The following PEAK1 variants were observed in gnomAD, a reference collection of about 807,000 sequenced individuals.
The protein encoded by PEAK1 is pseudopodium enriched atypical kinase 1.
A neutral mutation model predicts 124.7 loss-of-function variants in PEAK1; 54 were observed. The ratio of observed to expected loss-of-function variants is 0.43; its 90% CI spans 0.35 to 0.54. PEAK1 has a LOEUF of 0.54. Ranked by LOEUF, PEAK1 falls within the 20% of genes least tolerant of loss-of-function variation. The probability of loss-of-function intolerance (pLI) is 0.01; values close to 1 mark genes in which losing one functional copy is unlikely to be tolerated. For synonymous variants in PEAK1, 719 were observed against 760.0 expected (o/e 0.95, Z 0.89); for missense variants, 2,046 against 2,134.5 (o/e 0.96, Z 0.82).
chr15:77,340,332 A>T (rs186860040), intron 2 of PEAK1, among the ~76,000 whole-genome samples: 2 of 152,244 alleles, frequency 1.3e-5, no homozygotes, highest in African/African-American at 4.8e-5. Context: ...AGGAAGCTTG[A>T]ACTAACACAG....
intron 8 of PEAK1, among the ~76,000 whole-genome samples, chr15:77,140,849 C>T (rs928592581): frequency 3.3e-5 from 5 of 151,962 alleles, no homozygotes; most frequent in African/African-American, 1.2e-4. Context: ...ATCCTTCCAC[C>T]TCAGTCCCCC....
At chr15:77,267,895 A>G (rs1040925706) in intron 5 of PEAK1, among the ~76,000 whole-genome samples, 1 of 152,186 alleles carries the variant, frequency 6.6e-6, no homozygotes, top group Non-Finnish European at 1.5e-5. Flanking sequence ...AAGAATTCAC[A>G]AAGTCGACTA....
Position 77,271,283 on chromosome 15 carries a change from A to G in PEAK1, c.-275+12600T>C, listed in dbSNP as rs576291177. ...GATCATTAAAAAGTCAGGAAACAACAGGTGCTGGAGAGGATGTGGAGAAAT... is the reference window on the plus strand; with the variant it reads ...GATCATTAAAAAGTCAGGAAACAACGGGTGCTGGAGAGGATGTGGAGAAAT... On this transcript the variant is annotated intron_variant, in intron 5 of 9. Coordinates refer to ENST00000682557, the MANE Select transcript of PEAK1 (RefSeq NM_001385026.1). 2.8e-3 allele frequency among the ~76,000 whole-genome samples: 421 copies of G among 152,290 alleles called. 3 individuals are homozygous for G. Among genetic ancestry groups the G allele is most frequent in the Non-Finnish European group, 4.3e-3 (289 of 67,996 alleles).
intron 2 of PEAK1, among the ~76,000 whole-genome samples, chr15:77,316,707 T>A (rs556145097): frequency 6.6e-6 from 1 of 152,196 alleles, no homozygotes; most frequent in African/African-American, 2.4e-5. Flanking sequence ...GAATACTACA[T>A]GTACACAGTG....
intron 5 of PEAK1, among the ~76,000 whole-genome samples, chr15:77,269,479 A>G (rs188926957): frequency 6.6e-6 from 1 of 152,316 alleles, no homozygotes; most frequent in East Asian, 1.9e-4. Flanking sequence ...ACAATCCTAC[A>G]TACATATGCA....
At chr15:77,385,567 GA>G (rs1025242280) in intron 1 of PEAK1, among the ~76,000 whole-genome samples, 1 of 152,150 alleles carries the variant, frequency 6.6e-6, no homozygotes, top group Non-Finnish European at 1.5e-5. Context: ...TATGGCAAAG[GA>G]GTCTTTTTTC....
At chr15:77,235,291 G>C (rs1441634254) in intron 6 of PEAK1, among the ~76,000 whole-genome samples, 1 of 151,958 alleles carries the variant, frequency 6.6e-6, no homozygotes, top group Admixed American at 6.6e-5. Context: ...AGTTTGGAGG[G>C]CTCAGAAGAG....
At chr15:77,131,825 C>G (rs1281051633) in intron 9 of PEAK1, among the ~76,000 whole-genome samples, 26 of 152,050 alleles carry the variant, frequency 1.7e-4, no homozygotes, top group Admixed American at 1.7e-3. Flanking sequence ...TGCCTGTAAT[C>G]CCAGCACTTT....
At position 77,133,744 on chromosome 15, in the gene PEAK1, G is replaced by C; in HGVS notation, c.3338C>G (p.Ser1113Cys). Residue 1113 changes from serine (S) to cysteine (C), a missense_variant, in exon 9 of 10, where the codon TCT (serine) becomes TGT (cysteine). Physicochemically the swap from Ser to Cys is moderately radical, Grantham distance 112. Coordinates refer to ENST00000682557, the MANE Select transcript of PEAK1 (RefSeq NM_001385026.1). The surrounding 1 kb of genome is among the most constrained non-coding windows in gnomAD (Gnocchi z 4.2). ...CSATYSNLGQ[S>C]RAAMIPPKQP... Reference sequence around the variant, plus strand: ...CTTGGGAGGTATCATGGCTGCTCTAGATTGCCCTGTATTGTTTTTAAAGCA... The same window carrying C: ...CTTGGGAGGTATCATGGCTGCTCTACATTGCCCTGTATTGTTTTTAAAGCA... 1 of 1,585,804 alleles carries C rather than the reference G, an allele frequency of 6.3e-7. No homozygotes were observed. Among genetic ancestry groups the C allele is most frequent in the East Asian group, 2.2e-5 (1 of 44,678 alleles).
intron 6 of PEAK1, among the ~76,000 whole-genome samples, chr15:77,228,689 C>T (rs890065429): frequency 1.3e-5 from 2 of 151,538 alleles, no homozygotes; most frequent in African/African-American, 4.9e-5. Context: ...TGGTGCTTTC[C>T]CCATTAAAAA....
intron 1 of PEAK1, among the ~76,000 whole-genome samples, chr15:77,375,299 G>A (rs1480725932): frequency 6.6e-6 from 1 of 152,122 alleles, no homozygotes; most frequent in Non-Finnish European, 1.5e-5. Flanking sequence ...TCTCGCCACA[G>A]TCAGCTAGTA....
At chr15:77,350,592 G>A (rs2067147120) in intron 2 of PEAK1, 1 of 944,720 alleles carries the variant, frequency 1.1e-6, no homozygotes, top group African/African-American at 1.8e-5. Context: ...GTAAGTATAT[G>A]TGTGTTAGAG....
At chr15:77,313,204 A>G (rs1201282015) in intron 2 of PEAK1, among the ~76,000 whole-genome samples, 1 of 152,174 alleles carries the variant, frequency 6.6e-6, no homozygotes, top group Non-Finnish European at 1.5e-5. Context: ...TGATATGGGT[A>G]TGTCAAAGGG....
intron 7 of PEAK1, among the ~76,000 whole-genome samples, chr15:77,170,373 A>G (rs2056424153): frequency 6.6e-6 from 1 of 152,222 alleles, no homozygotes; most frequent in Non-Finnish European, 1.5e-5. Context: ...TGCAAAGTCA[A>G]TATTATAAAC....
intron 1 of PEAK1, among the ~76,000 whole-genome samples, chr15:77,390,539 C>T (rs145145431): frequency 6.6e-6 from 1 of 152,144 alleles, no homozygotes. Flanking sequence ...ACATCAGCTG[C>T]ACCTCTGTGG....
At chr15:77,325,611 A>C (rs2065523043) in intron 2 of PEAK1, among the ~76,000 whole-genome samples, 1 of 152,118 alleles carries the variant, frequency 6.6e-6, no homozygotes, top group African/African-American at 2.4e-5. Context: ...TTTCTTGGCA[A>C]ATGAAAGTTC....
At chr15:77,309,772 C>T (rs1472259391) in intron 2 of PEAK1, among the ~76,000 whole-genome samples, 1 of 152,072 alleles carries the variant, frequency 6.6e-6, no homozygotes, top group East Asian at 1.9e-4. Flanking sequence ...CCATAAAAAA[C>T]TATTAACTTG....
intron 8 of PEAK1, among the ~76,000 whole-genome samples, chr15:77,137,014 G>T (rs1391130399): frequency 1.3e-5 from 2 of 152,224 alleles, no homozygotes; most frequent in Non-Finnish European, 2.9e-5. Flanking sequence ...GCTGAAAGGG[G>T]CCACTGTAGA....
At chr15:77,417,662 G>A (rs2072999057) in intron 1 of PEAK1, 5 of 985,336 alleles carry the variant, frequency 5.1e-6, no homozygotes, top group East Asian at 1.1e-4. Flanking sequence ...AAAAGGGTAT[G>A]ATTTGGCAGG....
Sources: gnomAD v4.1 joint callset for allele counts (sites outside exome capture counted in the v4.1 genomes callset) on GRCh38, gnomAD v4.1.1 for gene constraint, Gnocchi (gnomAD v3.1) non-coding constraint, MANE v1.5 for transcripts, NCBI Gene and HGNC (gene_info 2026-07-23, HGNC 2026-07-21) for gene names.